Variants in MSH6 observed in about 807,000 individuals in gnomAD.
MSH6 encodes DNA mismatch repair protein Msh6.
A neutral mutation model predicts 119.1 loss-of-function variants in MSH6; 85 were observed. That is an observed-to-expected ratio of 0.71 (90% CI 0.60 to 0.85). The LOEUF is 0.85. Among genes scored for constraint, MSH6 ranks in the 40% least tolerant of loss-of-function variants. The pLI is 0.00. For synonymous variants in MSH6, 830 were observed against 586.9 expected (o/e 1.41, Z -5.99); for missense variants, 2,163 against 1,655.3 (o/e 1.31, Z -5.32).
At position 47,789,412 on chromosome 2, in the gene MSH6, T is replaced by C. The variant is rs750119398; in HGVS notation, c.261-1515T>C. The C allele has an allele frequency of 3.3e-4, 156 of 466,072 alleles. 1 individual carries two copies. Among genetic ancestry groups the C allele is most frequent in the Non-Finnish European group, 2.5e-4 (56 of 227,002 alleles). 28.9% of individuals were successfully genotyped at this position (466,072 alleles called of 1,614,324 possible). On this transcript the variant is annotated intron_variant, in intron 1 of 9. Transcript: ENST00000234420. Reference sequence around the variant, plus strand: ...TGGATCCAGCTTTTCACACAAACTTTTTTTTCCTAGTGAGGATGCACATTT... The same window carrying C: ...TGGATCCAGCTTTTCACACAAACTTCTTTTTCCTAGTGAGGATGCACATTT...
At chr2:47,802,981 G>C (rs1175010657) in intron 4 of MSH6, among the ~76,000 whole-genome samples, 1 of 151,968 alleles carries the variant, frequency 6.6e-6, no homozygotes, top group Non-Finnish European at 1.5e-5. Flanking sequence ...GTGCGATCTT[G>C]GCTCATTGCA....
At chr2:47,798,460 C>T (rs1298663777) in intron 3 of MSH6, 151 bp from the exon 4 acceptor site, 10 of 761,370 alleles carry the variant, frequency 1.3e-5, no homozygotes, top group Admixed American at 2.6e-5. Flanking sequence ...AATTGCCTAT[C>T]TCATGTAATT....
chr2:47,786,776 A>G (rs1049667784), intron 1 of MSH6, among the ~76,000 whole-genome samples: 8 of 151,914 alleles, frequency 5.3e-5, no homozygotes, highest in Middle Eastern at 3.4e-3. Context: ...TTCTTTCACA[A>G]TGAGTTCTTT....
intron 4 of MSH6, 24 bp from the exon 5 acceptor site, chr2:47,803,396 C>A (rs1299131158): frequency 1.2e-6 from 2 of 1,614,062 alleles, no homozygotes. Context: ...GATGAAGCCT[C>A]ACTTTTACCC....
At chr2:47,790,750 AT>A (rs1668672182) in intron 1 of MSH6, among the ~76,000 whole-genome samples, 176 bp from the exon 2 acceptor site, 1 of 152,350 alleles carries the variant, frequency 6.6e-6, no homozygotes, top group South Asian at 2.1e-4. Context: ...ATGCATTATG[AT>A]ATCAGCTTGC....
intron 5 of MSH6, among the ~76,000 whole-genome samples, chr2:47,804,408 C>T (rs773222342): frequency 9.9e-5 from 15 of 151,996 alleles, no homozygotes; most frequent in South Asian, 2.1e-4. Flanking sequence ...GGCTGGTCCC[C>T]GCTGCTCTCC....
At chr2:47,802,635 G>GTT (rs527836963) in intron 4 of MSH6, among the ~76,000 whole-genome samples, 66 of 115,906 alleles carry the variant, frequency 5.7e-4, no homozygotes, top group Admixed American at 1.3e-3. Flanking sequence ...GCCCAGCCCT[G>GTT]TTTTTTTTTT....
intron 1 of MSH6, among the ~76,000 whole-genome samples, chr2:47,786,113 T>C (rs1668331829): frequency 6.6e-6 from 1 of 152,146 alleles, no homozygotes; most frequent in African/African-American, 2.4e-5. Flanking sequence ...GGCTCTCAGC[T>C]CTGTAAACCG....
chr2:47,805,024 T>G lies in MSH6; in HGVS notation c.3553T>G (p.Ser1185Ala), dbSNP rs786202777. 2 of 1,607,796 alleles carry G rather than the reference T, an allele frequency of 1.2e-6. No homozygotes were observed. Among genetic ancestry groups the G allele is most frequent in the Non-Finnish European group, 1.7e-6 (2 of 1,174,224 alleles). Reference protein sequence around the residue: ...TRLGASDRIMSGESTFFVELS... With the variant: ...TRLGASDRIMAGESTFFVELS... ...ACTTGGTGCCTCAGACAGAATAATG[T>G]CAGGTGAGTTTTTTGTTTCCCACTT... The change falls in exon 6 of 10, where the codon TCA becomes GCA. Residue 1185 changes from serine to alanine, a missense_variant. Ser to Ala is a moderately conservative substitution (Grantham distance 99). Transcript: ENST00000234420.
intron 2 of MSH6, among the ~76,000 whole-genome samples, chr2:47,794,741 C>T (rs769115516): frequency 6.6e-6 from 1 of 152,180 alleles, no homozygotes; most frequent in Non-Finnish European, 1.5e-5. Context: ...GGGACAAACT[C>T]ATATTTAATA....
chr2:47,786,336 TA>T (rs1269945711), intron 1 of MSH6, among the ~76,000 whole-genome samples: 1 of 151,540 alleles, frequency 6.6e-6, no homozygotes, highest in Non-Finnish European at 1.5e-5. Context: ...ATGTTGAGCG[TA>T]TTTTTTTTTT....
At position 47,806,771 on chromosome 2, in the gene MSH6, A is replaced by AAACTTTTTTTTTTTTTTT; in HGVS notation, c.4002-8_4002-7insAACTTTTTTTTTTTTTTT. The AAACTTTTTTTTTTTTTTT allele has an allele frequency of 6.6e-7, 1 of 1,514,314 alleles. No individual in the cohort carries two copies. Among genetic ancestry groups the AAACTTTTTTTTTTTTTTT allele is most frequent in the Non-Finnish European group, 8.8e-7 (1 of 1,130,098 alleles). The allele number at this position is 1,514,314 out of a possible 1,614,324, so 93.8% of individuals were successfully genotyped here. ...AAAAACTTTTTTTTTTTTTTTTTTA[A>AAACTTTTTTTTTTTTTTT]TTTTAAGGGAAGTTTGCCTGGCTAG... On this transcript the variant is annotated splice_region_variant and splice_polypyrimidine_tract_variant and intron_variant, in intron 9 of 9. Coordinates refer to ENST00000234420, the MANE Select transcript of MSH6 (RefSeq NM_000179.3).
In MSH6 at chr2:47,798,856, C is replaced by T. The variant is rs876660529; in HGVS notation, c.873C>T (p.Asn291=). ...GGGATAGTGAGAGTGAAGGCCTGAA[C>T]AGCCCTGTCAAAGTTGCTCGAAAGC... The part of the protein sequence containing the change: ...GVGDSESEGL[N]SPVKVARKRK... Residue 291 remains asparagine, a synonymous_variant, in exon 4 of 10, where the codon AAC becomes AAT. Coordinates refer to ENST00000234420, the MANE Select transcript of MSH6 (RefSeq NM_000179.3). 3 of 1,614,148 alleles carry T rather than the reference C, an allele frequency of 1.9e-6. No homozygotes were observed. Among genetic ancestry groups the T allele is most frequent in the South Asian group, 1.1e-5 (1 of 91,080 alleles).
In MSH6 at chr2:47,803,643, TACTGG is replaced by T. The variant is rs1669770252; in HGVS notation, c.3399_3403del (p.Gly1134LysfsTer28). 6.2e-7 allele frequency: 1 copy of T among 1,614,228 alleles called. No individual in the cohort carries two copies. Among genetic ancestry groups the T allele is most frequent in the Non-Finnish European group, 8.5e-7 (1 of 1,180,038 alleles). On this transcript the variant is annotated frameshift_variant, in exon 5 of 10. Coordinates refer to ENST00000234420, the MANE Select transcript of MSH6 (RefSeq NM_000179.3). LOFTEE classifies it high-confidence loss of function. The stretch of plus-strand genomic sequence containing the variant: ...ATGGCAAAGCCTATTGTGTGCTTGT[TACTGG>T]ACCAAATATGGGGGGCAAGTCTACG...
In MSH6 at chr2:47,783,650, G is replaced by C. The variant is rs1668154895; in HGVS notation, c.260+157G>C. 3 of 720,428 alleles carry C rather than the reference G, an allele frequency of 4.2e-6. No individual in the cohort carries two copies. The South Asian group carries it at 7.5e-5, about 18-fold the overall frequency. The allele number at this position is 720,428 out of a possible 1,614,324, so 44.6% of individuals were successfully genotyped here. ...AGAGTTGGCTTGAATGAGTGCAGGG[G>C]TCGAGTCTGGAGCATTTGGGGGTGT... On this transcript the variant is annotated intron_variant, in intron 1 of 9. Coordinates refer to ENST00000234420, the MANE Select transcript of MSH6 (RefSeq NM_000179.3).
downstream of MSH6, chr2:47,809,542 C>T: frequency 7.9e-7 from 1 of 1,267,410 alleles, no homozygotes; most frequent in South Asian, 1.3e-5. Flanking sequence ...AAAACGGCTT[C>T]TGATTATCTT....
downstream of MSH6, chr2:47,808,884 A>G: frequency 3.2e-6 from 1 of 315,624 alleles, no homozygotes; most frequent in Non-Finnish European, 5.8e-6. Flanking sequence ...TTTTGTAGAG[A>G]CAGGGTCTCC....
At chr2:47,809,391 G>A, downstream of MSH6, 1 of 699,688 alleles carries the variant, frequency 1.4e-6, no homozygotes, top group Non-Finnish European at 2.3e-6. Flanking sequence ...GCTAACCAAT[G>A]AAGTAATTGT....
downstream of MSH6, chr2:47,810,027 T>G (rs755819064): frequency 2.0e-6 from 1 of 491,746 alleles, no homozygotes; most frequent in Non-Finnish European, 3.6e-6. Flanking sequence ...ATCTGAGGAA[T>G]TGAATCTATC....
Sources: allele counts gnomAD v4.1 joint callset (sites outside exome capture counted in the v4.1 genomes callset), GRCh38; gene constraint gnomAD v4.1.1; transcripts MANE v1.5; gene names NCBI Gene and HGNC (gene_info 2026-07-23, HGNC 2026-07-21).